Variants in EIF3D observed in about 807,000 individuals in gnomAD.
EIF3D encodes the protein eukaryotic translation initiation factor 3 subunit D.
EIF3D carries 10 observed loss-of-function variants against 75.4 expected under a neutral mutation model. The observed-to-expected ratio is 0.13, with a 90% confidence interval of 0.08 to 0.22. The LOEUF (loss-of-function observed/expected upper bound fraction) is 0.22, where lower values mean the gene tolerates loss of function less well. Among genes scored for constraint, EIF3D ranks in the 10% least tolerant of loss-of-function variants. The pLI is 1.00. For missense variants in EIF3D, 394 were observed against 708.0 expected, an observed-to-expected ratio of 0.56 and a Z score of 5.03; for synonymous variants, 246 against 248.3, an observed-to-expected ratio of 0.99 and a Z score of 0.09.
intron 3 of EIF3D, 23 bp downstream of exon 3, chr22:36,525,641 C>G (rs745441914): frequency 5.0e-6 from 8 of 1,611,232 alleles, no homozygotes; most frequent in South Asian, 4.4e-5. Flanking sequence ...CTGATTGGGG[C>G]ATTCAGTTGC....
rs752150693 is a variant in EIF3D at position 36,511,454 on chromosome 22, T to C, written c.1633+49A>G. ...ACAATGGCTACAGAGCTTGCTCCCG[T>C]GCTAGCCCACAGATCACTCTAGACC... is the stretch of plus-strand genomic sequence containing the variant. On this transcript the variant is annotated intron_variant, in intron 14 of 14. Transcript: ENST00000216190. The C allele has an allele frequency of 8.7e-6, 14 of 1,601,688 alleles. 1 individual carries two copies. In the South Asian group the frequency reaches 1.5e-4, roughly 18 times the overall value.
chr22:36,520,470 T>C, intron 7 of EIF3D, 106 bp downstream of exon 7: 1 of 735,498 alleles, frequency 1.4e-6, no homozygotes, highest in Non-Finnish European at 2.2e-6. Context: ...TTTGAGTAAG[T>C]GGCTTCAAAG....
intron 1 of EIF3D, among the ~76,000 whole-genome samples, chr22:36,526,642 T>G (rs1445523272): frequency 6.6e-6 from 1 of 151,580 alleles, no homozygotes; most frequent in Non-Finnish European, 1.5e-5. Flanking sequence ...GAGTCTCACT[T>G]TGTCACCCAT....
At chr22:36,518,722 T>C (rs1934466433) in intron 9 of EIF3D, 41 bp downstream of exon 9, 1 of 1,609,790 alleles carries the variant, frequency 6.2e-7, no homozygotes. Flanking sequence ...CCAACAAAAA[T>C]ACTCAATGCC....
Position 36,519,552 on chromosome 22 carries a change from G to C in EIF3D, c.579-15C>G, listed in dbSNP as rs778584658. Reference sequence around the variant, plus strand: ...CACAACACTCACTGTGGGAAGAGCAGGCAAAGACATGCAAAGTAAGAGAGA... The same window carrying C: ...CACAACACTCACTGTGGGAAGAGCACGCAAAGACATGCAAAGTAAGAGAGA... On this transcript the variant is annotated splice_polypyrimidine_tract_variant and intron_variant, in intron 7 of 14. Transcript: ENST00000216190. The C allele has an allele frequency of 6.2e-7, 1 of 1,613,948 alleles. No homozygotes were observed. Among genetic ancestry groups the C allele is most frequent in the Admixed American group, 1.7e-5 (1 of 59,972 alleles).
chr22:36,526,168 G>A (rs1013864989), intron 1 of EIF3D, 37 bp from the exon 2 acceptor site: 1 of 1,556,386 alleles, frequency 6.4e-7, no homozygotes. Flanking sequence ...CGGCATGAAC[G>A]AAGGCCTCAG....
chr22:36,524,781 C>T (rs746586736), intron 3 of EIF3D, 49 bp from the exon 4 acceptor site: 6 of 1,612,752 alleles, frequency 3.7e-6, no homozygotes, highest in Admixed American at 1.7e-5. Flanking sequence ...CAGACTTTAC[C>T]AGATATGCAC....
intron 6 of EIF3D, among the ~76,000 whole-genome samples, chr22:36,522,639 CTG>C (rs1934531743): frequency 1.3e-5 from 2 of 151,974 alleles, no homozygotes; most frequent in Non-Finnish European, 2.9e-5. Context: ...AGATTCATAG[CTG>C]CCTACTGCTG....
intron 6 of EIF3D, among the ~76,000 whole-genome samples, chr22:36,522,183 C>G (rs12168576): frequency 0.023 from 3,483 of 151,894 alleles, 68 homozygotes; most frequent in Non-Finnish European, 0.037. Context: ...GCAGAACCCC[C>G]TATCTACAGA....
chr22:36,512,957 G>A (rs976693065), intron 12 of EIF3D: 3 of 180,340 alleles, frequency 1.7e-5, no homozygotes, highest in Admixed American at 5.9e-5. Flanking sequence ...CACAGAGGAC[G>A]TGTAACAGTG....
chr22:36,517,929 G>A (rs569292485), intron 9 of EIF3D, among the ~76,000 whole-genome samples: 11 of 152,064 alleles, frequency 7.2e-5, no homozygotes, highest in South Asian at 4.2e-4. Flanking sequence ...TGTATTTTTA[G>A]TAGAGACTGG....
intron 12 of EIF3D, 121 bp from the exon 13 acceptor site, chr22:36,512,723 TAA>T: frequency 2.6e-6 from 3 of 1,139,728 alleles, no homozygotes; most frequent in Non-Finnish European, 3.6e-6. Context: ...AGGTACGCAC[TAA>T]ATCTTACCAT....
chr22:36,516,588 C>T lies in EIF3D; in HGVS notation c.1096G>A (p.Gly366Arg). 1 of 1,614,170 alleles carries T rather than the reference C, an allele frequency of 6.2e-7. No homozygotes were observed. Among genetic ancestry groups the T allele is most frequent in the Non-Finnish European group, 8.5e-7 (1 of 1,179,990 alleles). Residue 366 changes from glycine to arginine, a missense_variant, in exon 12 of 15, where the codon GGA becomes AGA. Gly to Arg is a moderately radical substitution (Grantham distance 125). Transcript: ENST00000216190. ...CGGACAATAAGGTCAATATCATCTC[C>T]AAGCTTCCACCTGCGGTAACTGCAG... Reference protein sequence around the residue: ...VAYRYRRWKLGDDIDLIVRCE... With the variant: ...VAYRYRRWKLRDDIDLIVRCE...
rs376799146 is a variant in EIF3D at position 36,518,754 on chromosome 22, G to A, written c.859+9C>T. 14 of 1,613,666 alleles carry A rather than the reference G, an allele frequency of 8.7e-6. No individual in the cohort carries two copies. The East Asian group carries it at 1.1e-4, about 13-fold the overall frequency. On this transcript the variant is annotated intron_variant, in intron 9 of 14. Transcript: ENST00000216190. ...TGCCTTTGAGTTGCTCCCCAGGCAC[G>A]CTTCTTACCAAAGTCAGAGTTGTCT...
intron 3 of EIF3D, among the ~76,000 whole-genome samples, chr22:36,525,232 G>T (rs970400544): frequency 3.5e-5 from 5 of 140,908 alleles, no homozygotes; most frequent in Admixed American, 1.6e-4. Context: ...TAAAACCAGG[G>T]GTTTTACTTT....
intron 5 of EIF3D, among the ~76,000 whole-genome samples, chr22:36,523,548 C>G (rs527750085): frequency 6.6e-6 from 1 of 152,200 alleles, no homozygotes; most frequent in South Asian, 2.1e-4. Flanking sequence ...GTGTAGTGGC[C>G]GCTGGACCAC....
intron 14 of EIF3D, chr22:36,511,225 C>G: frequency 5.0e-6 from 4 of 801,426 alleles, no homozygotes; most frequent in Non-Finnish European, 5.7e-6. Context: ...GAGCTTTTCC[C>G]TCTAGACCAC....
intron 8 of EIF3D, 123 bp downstream of exon 8, chr22:36,519,282 G>A (rs561048989): frequency 1.7e-5 from 24 of 1,396,738 alleles, no homozygotes; most frequent in Non-Finnish European, 2.3e-5. Context: ...CGGTCTACCT[G>A]GCAAAGTGCT....
At chr22:36,527,696 G>A (rs1245531359) in intron 1 of EIF3D, among the ~76,000 whole-genome samples, 3 of 152,130 alleles carry the variant, frequency 2.0e-5, no homozygotes, top group African/African-American at 7.2e-5. Context: ...AAAATTAGCT[G>A]GGCGTGGTGG....
Sources: allele counts gnomAD v4.1 joint callset (sites outside exome capture counted in the v4.1 genomes callset), GRCh38; gene constraint gnomAD v4.1.1; transcripts MANE v1.5; gene names NCBI Gene and HGNC (gene_info 2026-07-23, HGNC 2026-07-21).